Variants in KIAA0825 observed in about 807,000 individuals in gnomAD.
The protein encoded by KIAA0825 is uncharacterized protein KIAA0825.
In KIAA0825, 119 loss-of-function variants were observed where a neutral mutation model predicts 147.6. The ratio of observed to expected loss-of-function variants is 0.81; its 90% CI spans 0.69 to 0.94. The LOEUF (loss-of-function observed/expected upper bound fraction) is 0.94, where lower values mean the gene tolerates loss of function less well. Ranked by LOEUF, KIAA0825 falls within the 40% of genes least tolerant of loss-of-function variation. KIAA0825 has a pLI of 0.00. For synonymous variants in KIAA0825, 470 were observed against 518.1 expected (o/e 0.91, Z 1.26); for missense variants, 1,381 against 1,472.7 (o/e 0.94, Z 1.02).
At chr5:94,557,060 T>C (rs1252722506) in intron 2 of KIAA0825, among the ~76,000 whole-genome samples, 1 of 152,206 alleles carries the variant, frequency 6.6e-6, no homozygotes, top group African/African-American at 2.4e-5. Context: ...AGGCTCCTGG[T>C]AGGAAACATC....
At chr5:94,519,739 C>T (rs1395455390) in intron 5 of KIAA0825, 1 of 815,546 alleles carries the variant, frequency 1.2e-6, no homozygotes, top group Non-Finnish European at 1.5e-6. Flanking sequence ...CTGCAAATTT[C>T]AACAAATTTT....
At chr5:94,534,482 G>T (rs1444596328) in intron 3 of KIAA0825, among the ~76,000 whole-genome samples, 1 of 152,068 alleles carries the variant, frequency 6.6e-6, no homozygotes. Context: ...TTCCTTATTT[G>T]GTCCCTTGTG....
intron 20 of KIAA0825, among the ~76,000 whole-genome samples, chr5:94,296,839 C>T (rs1394811473): frequency 6.6e-6 from 1 of 152,148 alleles, no homozygotes; most frequent in Admixed American, 6.5e-5. Flanking sequence ...TGTTCCTATT[C>T]AGCCATCTTG....
Position 94,580,734 on chromosome 5 carries a change from G to T in KIAA0825, c.-2+1699C>A, listed in dbSNP as rs1267892832. ...TACTAAAAATACAAAAAATTAGCCG[G>T]GCGTAGTGGCGGGCGCCTGTAGTCC... On this transcript the variant is annotated intron_variant, in intron 2 of 20. Transcript: ENST00000682413. Among the ~76,000 whole-genome samples the T allele has an allele frequency of 2.0e-5, 2 of 101,870 alleles. 1 individual carries two copies. Among genetic ancestry groups the T allele is most frequent in the African/African-American group, 9.3e-5 (2 of 21,556 alleles). The allele number at this position is 101,870 out of a possible 152,430, so 66.8% of individuals were successfully genotyped here. A position where few individuals can be genotyped will look rare whatever the true frequency, so the allele number is the denominator to read the frequency against.
At chr5:94,590,768 T>A (rs998350512) in intron 1 of KIAA0825, among the ~76,000 whole-genome samples, 3 of 152,186 alleles carry the variant, frequency 2.0e-5, no homozygotes, top group African/African-American at 7.2e-5. Context: ...ACATTGGTTA[T>A]CTAAGGAAAG....
At chr5:94,247,132 G>T (rs1003184147) in intron 20 of KIAA0825, among the ~76,000 whole-genome samples, 5 of 152,076 alleles carry the variant, frequency 3.3e-5, no homozygotes, top group Non-Finnish European at 5.9e-5. Flanking sequence ...TGCCATTCAC[G>T]TGCCATAGCA....
intron 1 of KIAA0825, among the ~76,000 whole-genome samples, chr5:94,612,860 T>C (rs1789264890): frequency 6.6e-6 from 1 of 152,190 alleles, no homozygotes; most frequent in Admixed American, 6.5e-5. Context: ...AGTGAGTTTA[T>C]TAAAAACAAA....
chr5:94,566,112 T>C (rs1362313313), intron 2 of KIAA0825, among the ~76,000 whole-genome samples: 2 of 152,230 alleles, frequency 1.3e-5, no homozygotes, highest in East Asian at 1.9e-4. Flanking sequence ...AATTTCCTTT[T>C]CTAAGGCTGA....
chr5:94,462,686 A>G (rs1759983820), intron 11 of KIAA0825, 117 bp from the exon 12 acceptor site: 1 of 517,916 alleles, frequency 1.9e-6, no homozygotes. Flanking sequence ...ATTCAGTTAG[A>G]TACCAGAACT....
chr5:94,168,126 T>C (rs1768233537), intron 20 of KIAA0825, among the ~76,000 whole-genome samples: 1 of 151,632 alleles, frequency 6.6e-6, no homozygotes, highest in Non-Finnish European at 1.5e-5. Flanking sequence ...CATATAATTA[T>C]GTCCAAACTC....
Position 94,491,157 on chromosome 5 carries a change from T to C in KIAA0825, c.971-6227A>G, listed in dbSNP as rs576640930. On this transcript the variant is annotated intron_variant, in intron 5 of 20. Transcript: ENST00000682413. Reference sequence around the variant, plus strand: ...CAAGAAAAACGAACATTAGCCACCCTATTATTGACTGTAAATGGATCCATT... The same window carrying C: ...CAAGAAAAACGAACATTAGCCACCCCATTATTGACTGTAAATGGATCCATT... Among the ~76,000 whole-genome samples, 4 of 152,238 alleles carry C rather than the reference T, an allele frequency of 2.6e-5. No individual in the cohort carries two copies. In the South Asian group the frequency reaches 8.3e-4, roughly 32 times the overall value.
chr5:94,247,625 T>C (rs530507963), intron 20 of KIAA0825, among the ~76,000 whole-genome samples: 154 of 152,294 alleles, frequency 1.0e-3, no homozygotes, highest in African/African-American at 3.5e-3. Context: ...TATTTTGCTG[T>C]CATTGTCTGT....
intron 1 of KIAA0825, among the ~76,000 whole-genome samples, chr5:94,588,378 G>A (rs560719956): frequency 3.0e-4 from 46 of 152,184 alleles, no homozygotes; most frequent in Non-Finnish European, 4.6e-4. Context: ...GTGGGCAAAG[G>A]ATATGAACAG....
At chr5:94,611,102 C>G (rs1245993644) in intron 1 of KIAA0825, among the ~76,000 whole-genome samples, 2 of 151,932 alleles carry the variant, frequency 1.3e-5, no homozygotes, top group African/African-American at 4.8e-5. Context: ...AAACAAATAA[C>G]AAAAGTGACA....
chr5:94,195,866 C>T (rs1375755377), intron 20 of KIAA0825, among the ~76,000 whole-genome samples: 4 of 152,024 alleles, frequency 2.6e-5, no homozygotes, highest in African/African-American at 9.7e-5. Flanking sequence ...TAGGTAGTAA[C>T]CTTACTCATG....
chr5:94,606,439 A>T (rs1787501689), intron 1 of KIAA0825, among the ~76,000 whole-genome samples: 1 of 152,216 alleles, frequency 6.6e-6, no homozygotes, highest in Non-Finnish European at 1.5e-5. Flanking sequence ...AAAGAGCCTG[A>T]ATAACCAAGG....
chr5:94,262,042 A>G (rs1776521660), intron 20 of KIAA0825, among the ~76,000 whole-genome samples: 1 of 152,172 alleles, frequency 6.6e-6, no homozygotes, highest in Non-Finnish European at 1.5e-5. Flanking sequence ...AAAATAAAAT[A>G]GGTCATAAAG....
At chr5:94,281,822 G>GCT (rs1777481920) in intron 20 of KIAA0825, among the ~76,000 whole-genome samples, 1 of 152,060 alleles carries the variant, frequency 6.6e-6, no homozygotes, top group African/African-American at 2.4e-5. Context: ...CTGAGTCTCA[G>GCT]CAGCAGCTGC....
intron 20 of KIAA0825, among the ~76,000 whole-genome samples, chr5:94,368,083 G>A (rs1318671873): frequency 6.6e-6 from 1 of 152,218 alleles, no homozygotes; most frequent in East Asian, 1.9e-4. Context: ...CATTGTGACT[G>A]TGTAAAAGGT....
Sources: gnomAD v4.1 joint callset for allele counts (sites outside exome capture counted in the v4.1 genomes callset) on GRCh38, gnomAD v4.1.1 for gene constraint, MANE v1.5 for transcripts, NCBI Gene and HGNC (gene_info 2026-07-23, HGNC 2026-07-21) for gene names.